KCNB2: variants seen among roughly 807,000 people sequenced by gnomAD.
KCNB2 encodes potassium voltage-gated channel subfamily B member 2.
A neutral mutation model predicts 61.5 loss-of-function variants in KCNB2; 15 were observed. That is an observed-to-expected ratio of 0.24 (90% CI 0.16 to 0.38). The LOEUF is 0.38. KCNB2 is among the 10% of genes least tolerant of loss of function. The probability of loss-of-function intolerance (pLI) is 1.00; values close to 1 mark genes in which losing one functional copy is unlikely to be tolerated. For missense variants in KCNB2, 828 were observed against 1,125.2 expected (o/e 0.74, Z 3.78); for synonymous variants, 457 against 446.0 (o/e 1.02, Z -0.31).
At chr8:72,615,372 G>A (rs1044627300) in intron 2 of KCNB2, among the ~76,000 whole-genome samples, 46 of 152,190 alleles carry the variant, frequency 3.0e-4, no homozygotes, top group Non-Finnish European at 1.0e-4. Context: ...AGGGGCATAC[G>A]AGGCACAAGA....
chr8:72,704,525 G>A (rs1325665947), intron 2 of KCNB2, among the ~76,000 whole-genome samples: 3 of 131,356 alleles, frequency 2.3e-5, no homozygotes, highest in African/African-American at 9.9e-5. Context: ...GTGTGTGTGT[G>A]TGTGTGTGTG....
intron 2 of KCNB2, among the ~76,000 whole-genome samples, chr8:72,637,649 C>G (rs1283155083): frequency 6.6e-6 from 1 of 152,132 alleles, no homozygotes; most frequent in African/African-American, 2.4e-5. Flanking sequence ...AAAGCTAATT[C>G]TTGGAATCCT....
chr8:72,873,426 C>A (rs1283179320), intron 2 of KCNB2, among the ~76,000 whole-genome samples: 1 of 152,192 alleles, frequency 6.6e-6, no homozygotes, highest in Non-Finnish European at 1.5e-5. Context: ...ACTTTAAAAA[C>A]AGCAATAGAA....
chr8:72,645,629 A>T (rs1806118103), intron 2 of KCNB2, among the ~76,000 whole-genome samples: 1 of 152,128 alleles, frequency 6.6e-6, no homozygotes, highest in African/African-American at 2.4e-5. Context: ...GGAGCTTCAG[A>T]GGGGCACAGG....
intron 2 of KCNB2, among the ~76,000 whole-genome samples, chr8:72,780,164 A>G (rs1014805455): frequency 2.6e-5 from 4 of 152,204 alleles, no homozygotes; most frequent in Non-Finnish European, 4.4e-5. Context: ...CTCTTAGCCC[A>G]GACACTTTTA....
intron 2 of KCNB2, among the ~76,000 whole-genome samples, chr8:72,671,696 TCC>T (rs1392711533): frequency 6.6e-6 from 1 of 152,164 alleles, no homozygotes; most frequent in Non-Finnish European, 1.5e-5. Flanking sequence ...GTATCTGATT[TCC>T]CCTTGATTCT....
intron 2 of KCNB2, among the ~76,000 whole-genome samples, chr8:72,680,943 G>A (rs1806739376): frequency 1.3e-5 from 2 of 152,128 alleles, no homozygotes; most frequent in African/African-American, 2.4e-5. Context: ...GATATATTAA[G>A]TGTCCGATAT....
intron 2 of KCNB2, among the ~76,000 whole-genome samples, chr8:72,745,413 G>A (rs1268635287): frequency 1.3e-5 from 2 of 152,020 alleles, no homozygotes; most frequent in Non-Finnish European, 2.9e-5. Flanking sequence ...TGACCAACTG[G>A]CCACAAATTC....
chr8:72,568,326 T>C lies in KCNB2; in HGVS notation c.579+13T>C. 1 of 1,589,208 alleles carries C rather than the reference T, an allele frequency of 6.3e-7. No homozygotes were observed. The highest frequency in any genetic ancestry group is 1.1e-5 in the South Asian group (1 of 87,088). On this transcript the variant is annotated intron_variant, in intron 2 of 2. Coordinates refer to ENST00000523207, the MANE Select transcript of KCNB2 (RefSeq NM_004770.3). ...AGTGGCTGCAAAGGTATGAAACCCA[T>C]AGTATTGCTTGCCTGTGTGTGGTCA...
intron 2 of KCNB2, among the ~76,000 whole-genome samples, chr8:72,934,324 G>C (rs906277749): frequency 3.0e-4 from 45 of 148,468 alleles, no homozygotes; most frequent in African/African-American, 9.4e-4. Flanking sequence ...CAGTGAGCTA[G>C]TGAGCTGAGA....
intron 2 of KCNB2, among the ~76,000 whole-genome samples, chr8:72,670,100 CAGCTCTAAA>C (rs1180910876): frequency 1.3e-5 from 2 of 152,118 alleles, no homozygotes; most frequent in Non-Finnish European, 1.5e-5. Flanking sequence ...AAATTGCTTC[CAGCTCTAAA>C]AGCCTGGGTA....
At chr8:72,725,579 A>G (rs1315234808) in intron 2 of KCNB2, among the ~76,000 whole-genome samples, 54 of 72,648 alleles carry the variant, frequency 7.4e-4, no homozygotes, top group African/African-American at 3.2e-3. Context: ...ATATATGTAT[A>G]TATATATGTA....
At chr8:72,875,111 CAAAG>C (rs960466800) in intron 2 of KCNB2, 2 of 152,088 alleles carry the variant, frequency 1.3e-5, no homozygotes, top group African/African-American at 4.8e-5. Flanking sequence ...TCTTTTTTCA[CAAAG>C]AAACACACAC....
chr8:72,635,244 A>G (rs1805945185), intron 2 of KCNB2, among the ~76,000 whole-genome samples: 1 of 152,198 alleles, frequency 6.6e-6, no homozygotes, highest in Non-Finnish European at 1.5e-5. Context: ...AGTCGGCTGC[A>G]AATCCTGAAG....
chr8:72,673,996 A>T, intron 2 of KCNB2, among the ~76,000 whole-genome samples: 1 of 152,210 alleles, frequency 6.6e-6, no homozygotes. Context: ...AGAAAAAACT[A>T]TGAATTAGTA....
Position 72,934,482 on chromosome 8 carries a change from A to T in KCNB2, c.580-1453A>T, listed in dbSNP as rs549913390. Among the ~76,000 whole-genome samples the T allele has an allele frequency of 1.3e-3, 193 of 152,056 alleles. 3 individuals are homozygous for T. The East Asian group carries it at 0.03, about 24-fold the overall frequency. On this transcript the variant is annotated intron_variant, in intron 2 of 2. Coordinates refer to ENST00000523207, the MANE Select transcript of KCNB2 (RefSeq NM_004770.3). ...ATAACCCAGAAGTGGAGAAATTTAG[A>T]GAGATTAAAAAGAAGAAAATGCAGG...
intron 2 of KCNB2, among the ~76,000 whole-genome samples, chr8:72,838,949 C>T (rs753136763): frequency 6.6e-6 from 1 of 151,980 alleles, no homozygotes; most frequent in African/African-American, 2.4e-5. Context: ...ACATTAGCCA[C>T]GAATAATTTT....
chr8:72,868,080 T>A (rs1446417060), intron 2 of KCNB2, among the ~76,000 whole-genome samples: 26 of 150,372 alleles, frequency 1.7e-4, no homozygotes, highest in Middle Eastern at 3.4e-3. Flanking sequence ...TATTTATTTT[T>A]TTTTTTTTAG....
At chr8:72,719,075 T>C (rs891536246) in intron 2 of KCNB2, among the ~76,000 whole-genome samples, 1 of 152,178 alleles carries the variant, frequency 6.6e-6, no homozygotes, top group Admixed American at 6.5e-5. Context: ...TGTTTTTTTT[T>C]TGTTTTGTTC....
Sources: allele counts gnomAD v4.1 joint callset (sites outside exome capture counted in the v4.1 genomes callset), GRCh38; gene constraint gnomAD v4.1.1; transcripts MANE v1.5; gene names NCBI Gene and HGNC (gene_info 2026-07-23, HGNC 2026-07-21).